The following ANKRD30A variants were observed in gnomAD, a reference collection of about 807,000 sequenced individuals.
ANKRD30A encodes ankyrin repeat domain 30A.
A neutral mutation model predicts 166.3 loss-of-function variants in ANKRD30A; 170 were observed. The observed-to-expected ratio is 1.02, with a 90% CI of 0.90 to 1.16. The LOEUF (loss-of-function observed/expected upper bound fraction) is 1.16, where lower values mean the gene tolerates loss of function less well. Among genes scored for constraint, ANKRD30A ranks in the 50% most tolerant of loss-of-function variants. The pLI is 0.00. For missense variants in ANKRD30A, 1,630 were observed against 1,518.0 expected (o/e 1.07, Z -1.23); for synonymous variants, 564 against 508.9 (o/e 1.11, Z -1.46).
At chr10:37,208,288 G>T (rs1337715417) in intron 31 of ANKRD30A, among the ~76,000 whole-genome samples, 1 of 152,082 alleles carries the variant, frequency 6.6e-6, no homozygotes, top group African/African-American at 2.4e-5. Context: ...AGTTTTGTCA[G>T]TCCAGTCCAG....
chr10:37,220,018 TATATATATATAA>T (rs1463144979), intron 34 of ANKRD30A, 121 bp downstream of exon 34: 1 of 122,220 alleles, frequency 8.2e-6, no homozygotes, highest in Non-Finnish European at 1.6e-5. Context: ...TATATATATA[TATATATATATAA>T]TATATGTATG....
rs148682094 is a variant in ANKRD30A at position 37,134,167 on chromosome 10, TAGA to T, written c.755+117_755+119del. On this transcript the variant is annotated intron_variant, in intron 5 of 35. Transcript: ENST00000361713. ...AAACTAGGCAAAAAGCTAGACTAGTTAGAAGGAGTATTGGGTCCAGGATTCTTT... is the reference window on the plus strand; with the variant it reads ...AAACTAGGCAAAAAGCTAGACTAGTTAGGAGTATTGGGTCCAGGATTCTTT... 3.3e-3 allele frequency: 4,111 copies of T among 1,242,558 alleles called. 108 individuals are homozygous for T. In the African/African-American group the frequency reaches 0.056, roughly 17 times the overall value. The allele number at this position is 1,242,558 out of a possible 1,614,324, so 77.0% of individuals were successfully genotyped here.
chr10:37,132,190 C>T (rs777335050), intron 3 of ANKRD30A, 50 bp from the exon 4 acceptor site: 1 of 1,325,032 alleles, frequency 7.5e-7, no homozygotes, highest in East Asian at 2.4e-5. Flanking sequence ...TTCAGTTCAG[C>T]TGAGAAATAT....
rs1842744498 is a variant in ANKRD30A at position 37,219,084 on chromosome 10, A to G, written c.3372A>G (p.Gln1124=). 9 of 1,608,978 alleles carry G rather than the reference A, an allele frequency of 5.6e-6. No individual in the cohort carries two copies. Among genetic ancestry groups the G allele is most frequent in the Non-Finnish European group, 7.6e-6 (9 of 1,176,600 alleles). The change falls in exon 34 of 36, where the codon CAA becomes CAG. Residue 1124 remains glutamine (Q), a synonymous_variant. Coordinates refer to ENST00000361713, the MANE Select transcript of ANKRD30A (RefSeq NM_052997.3). ...TGGAAATAGCCACACTGAAACACCA[A>G]TACCAGGAAAAGGAAAATAAATACT... is the stretch of plus-strand genomic sequence containing the variant. ...LKLEIATLKH[Q]YQEKENKYFE...
chr10:37,219,277 G>T lies in ANKRD30A; in HGVS notation c.3565G>T (p.Glu1189Ter), dbSNP rs1386752442. 1 of 1,610,364 alleles carries T rather than the reference G, an allele frequency of 6.2e-7. No homozygotes were observed. The highest frequency in any genetic ancestry group is 8.5e-7 in the Non-Finnish European group (1 of 1,177,550). ...TAAATTGAAGGAAAAACAAGACAAA[G>T]AAATACTAGAGGCAGAAATTGAATC... ...TSKLKEKQDK[E>*]ILEAEIESHH... Residue 1189 changes from glutamate (E) to a stop codon, truncating the protein, a stop_gained, in exon 34 of 36, where the codon GAA becomes TAA. Coordinates refer to ENST00000361713, the MANE Select transcript of ANKRD30A (RefSeq NM_052997.3). LOFTEE classifies it high-confidence loss of function.
In ANKRD30A at chr10:37,136,636, G is replaced by A. The variant is rs201363452; in HGVS notation, c.785G>A (p.Arg262Gln). 5.9e-5 allele frequency: 83 copies of A among 1,410,512 alleles called. No individual in the cohort carries two copies. The East Asian group carries it at 1.2e-3, about 20-fold the overall frequency. The allele number at this position is 1,410,512 out of a possible 1,614,324, so 87.4% of individuals were successfully genotyped here. ...CATGAACAAATTATGGAATATATAC[G>A]AAAATTATCTAAAAATCATCAAAAT... ...HIHEQIMEYI[R>Q]KLSKNHQNTN... Residue 262 changes from arginine (R) to glutamine (Q), a missense_variant, in exon 6 of 36, where the codon CGA (arginine) becomes CAA (glutamine). This residue lies in a region of ANKRD30A where 904 missense variants were observed against 818.5 expected (regional missense o/e 1.10). Coordinates refer to ENST00000361713, the MANE Select transcript of ANKRD30A (RefSeq NM_052997.3).
intron 9 of ANKRD30A, among the ~76,000 whole-genome samples, chr10:37,148,602 A>G (rs1255790846): frequency 4.6e-5 from 7 of 152,072 alleles, no homozygotes; most frequent in Admixed American, 3.9e-4. Flanking sequence ...TGTTTAGATT[A>G]TTTGCACTCC....
intron 18 of ANKRD30A, among the ~76,000 whole-genome samples, chr10:37,166,392 C>T (rs1409281997): frequency 6.6e-6 from 1 of 152,004 alleles, no homozygotes; most frequent in Non-Finnish European, 1.5e-5. Context: ...GAGTTAATGG[C>T]CACGTGAACG....
At position 37,184,363 on chromosome 10, in the gene ANKRD30A, T is replaced by G. The variant is rs1204922119; in HGVS notation, c.2422-5104T>G. 7.2e-5 allele frequency: 5 copies of G among 69,308 alleles called. No homozygotes were observed. In the Admixed American group the frequency reaches 7.8e-4, roughly 11 times the overall value. The allele number at this position is 69,308 out of a possible 1,614,324, so 4.3% of individuals were successfully genotyped here. ...TTTAATTTCTTTTTTTTTTTTTTTT[T>G]TTTTAGTAGAAGCATTCAAGTCAGG... On this transcript the variant is annotated intron_variant, in intron 24 of 35. Transcript: ENST00000361713.
At chr10:37,253,649 C>CTTTTT in the ANKRD30A span, among the ~76,000 whole-genome samples, 1 of 130,054 alleles carries the variant, frequency 7.7e-6, no homozygotes, top group African/African-American at 2.8e-5. Flanking sequence ...TTTTCTTTTT[C>CTTTTT]TTTTTTTTTT....
At chr10:37,200,770 C>T (rs889852876) in intron 30 of ANKRD30A, among the ~76,000 whole-genome samples, 4 of 152,036 alleles carry the variant, frequency 2.6e-5, no homozygotes, top group African/African-American at 9.7e-5. Flanking sequence ...CTATGACAGA[C>T]TCTAAAAGTT....
intron 31 of ANKRD30A, among the ~76,000 whole-genome samples, chr10:37,213,057 T>G (rs1842420069): frequency 6.6e-6 from 1 of 151,920 alleles, no homozygotes; most frequent in Non-Finnish European, 1.5e-5. Flanking sequence ...GATAGACTTT[T>G]GCTTTTATTG....
chr10:37,265,199 T>C, the ANKRD30A span, among the ~76,000 whole-genome samples: 3 of 152,166 alleles, frequency 2.0e-5, no homozygotes, highest in Non-Finnish European at 4.4e-5. Flanking sequence ...ATTACCTTTT[T>C]CTAGTGCATG....
At chr10:37,144,228 C>T (rs943132509) in intron 7 of ANKRD30A, among the ~76,000 whole-genome samples, 1 of 152,132 alleles carries the variant, frequency 6.6e-6, no homozygotes, top group South Asian at 2.1e-4. Context: ...TGTTTTCTGT[C>T]TCATGGCTGT....
At chr10:37,218,770 C>T (rs1405618938) in intron 33 of ANKRD30A, among the ~76,000 whole-genome samples, 1 of 150,564 alleles carries the variant, frequency 6.6e-6, no homozygotes, top group African/African-American at 2.4e-5. Context: ...TTTGTACTTT[C>T]ATGAATTCGT....
intron 7 of ANKRD30A, among the ~76,000 whole-genome samples, chr10:37,143,470 A>C (rs1837292902): frequency 6.6e-6 from 1 of 152,158 alleles, no homozygotes; most frequent in Non-Finnish European, 1.5e-5. Context: ...TCTGGCCAAC[A>C]TGGTGAAACC....
chr10:37,140,543 C>T (rs1837025489), intron 6 of ANKRD30A, among the ~76,000 whole-genome samples: 2 of 152,224 alleles, frequency 1.3e-5, no homozygotes, highest in South Asian at 2.1e-4. Context: ...TTCATTTCCT[C>T]CAAGTTGAAA....
chr10:37,136,345 A>G (rs1836682195), intron 5 of ANKRD30A, among the ~76,000 whole-genome samples: 1 of 152,190 alleles, frequency 6.6e-6, no homozygotes, highest in Admixed American at 6.5e-5. Flanking sequence ...GAGATTTTCC[A>G]TTAAGCCAAG....
intron 1 of ANKRD30A, 76 bp downstream of exon 1, chr10:37,126,084 G>A (rs1588730618): frequency 1.5e-5 from 22 of 1,515,666 alleles, no homozygotes; most frequent in Non-Finnish European, 1.9e-5. Context: ...AGAGTCGGGG[G>A]CTGGGGGGCC....
Sources: allele counts gnomAD v4.1 joint callset (sites outside exome capture counted in the v4.1 genomes callset), GRCh38; gene constraint gnomAD v4.1.1; regional missense constraint gnomAD v4.1.1; transcripts MANE v1.5; gene names NCBI Gene and HGNC (gene_info 2026-07-23, HGNC 2026-07-21).